Variants in PTCH1 observed in about 807,000 individuals in gnomAD.
PTCH1 encodes the protein patched 1.
In PTCH1, 14 loss-of-function variants were observed where a neutral mutation model predicts 144.6. The observed-to-expected ratio is 0.10, with a 90% CI of 0.06 to 0.15. The LOEUF (loss-of-function observed/expected upper bound fraction) is 0.15, where lower values mean the gene tolerates loss of function less well. Among genes scored for constraint, PTCH1 ranks in the 10% least tolerant of loss-of-function variants. PTCH1 has a pLI of 1.00. For missense variants in PTCH1, 1,623 were observed against 1,948.3 expected, an observed-to-expected ratio of 0.83 and a Z score of 3.14; for synonymous variants, 833 against 793.6, an observed-to-expected ratio of 1.05 and a Z score of -0.83.
upstream of PTCH1, among the ~76,000 whole-genome samples, chr9:95,512,691 A>G (rs796500496): frequency 2.0e-5 from 3 of 152,178 alleles, no homozygotes; most frequent in South Asian, 6.2e-4. Flanking sequence ...GGGTTTGTTA[A>G]CTTCAACTAA....
At chr9:95,515,343 A>T (rs973231294) in intron 1 of PTCH1, among the ~76,000 whole-genome samples, 6 of 152,068 alleles carry the variant, frequency 3.9e-5, no homozygotes, top group Admixed American at 3.9e-4. Flanking sequence ...GTTCTTTTGT[A>T]TTTCTCCTCC....
In PTCH1 at chr9:95,456,351, C is replaced by T. The variant is rs2136649043; in HGVS notation, c.3231G>A (p.Lys1077=). The change falls in exon 19 of 24, where the codon AAG becomes AAA. Residue 1077 remains lysine, a synonymous_variant. Coordinates refer to ENST00000331920, the MANE Select transcript of PTCH1 (RefSeq NM_000264.5). ...LFGMMGLIGI[K]LSAVPVVILI... ...GGATGACCACGGGCACGGCACTGAG[C>T]TTGATTCCGATGAGGCCCATCATGC... The T allele has an allele frequency of 6.2e-7, 1 of 1,614,138 alleles. No individual in the cohort carries two copies. The highest frequency in any genetic ancestry group is 1.3e-5 in the African/African-American group (1 of 75,058).
intron 12 of PTCH1, among the ~76,000 whole-genome samples, chr9:95,473,783 C>T (rs958485590): frequency 6.6e-6 from 1 of 151,854 alleles, no homozygotes; most frequent in Non-Finnish European, 1.5e-5. Flanking sequence ...ACCTCGTGAT[C>T]CACCCGTCTC....
At position 95,469,126 on chromosome 9, in the gene PTCH1, A is replaced by G. The variant is rs1840322080; in HGVS notation, c.1875T>C (p.Val625=). The G allele has an allele frequency of 6.2e-7, 1 of 1,613,910 alleles. No homozygotes were observed. The highest frequency in any genetic ancestry group is 1.7e-5 in the Admixed American group (1 of 59,998). The change falls in exon 14 of 24, where the codon GTT becomes GTC. Residue 625 remains valine (V), a synonymous_variant. Coordinates refer to ENST00000331920, the MANE Select transcript of PTCH1 (RefSeq NM_000264.5). ...TSPCVSRVIQ[V]EPQAYTDTHD... is the part of the protein sequence containing the mutation. ...GTGTGTCGGTGTAGGCCTGAGGTTC[A>G]ACCTGAATCACTCTGCTGACGCAGG...
At chr9:95,504,022 CAAAAAAAAAAAAAAAAAAAAAAAAAAA>C (rs58747037) in intron 2 of PTCH1, among the ~76,000 whole-genome samples, 1 of 6,720 alleles carries the variant, frequency 1.5e-4, no homozygotes, top group South Asian at 7.2e-3. Flanking sequence ...GACTCCGTCT[CAAAAAAAAAAAAAAAAAAAAAAAAAAA>C]AAAAAAAAAA....
chr9:95,476,883 C>G lies in PTCH1; in HGVS notation c.1504-26G>C, dbSNP rs762444055. 6.2e-7 allele frequency: 1 copy of G among 1,600,600 alleles called. No individual in the cohort carries two copies. Among genetic ancestry groups the G allele is most frequent in the African/African-American group, 1.3e-5 (1 of 74,534 alleles). On this transcript the variant is annotated intron_variant, in intron 10 of 23. Transcript: ENST00000331920. This position sits in a 1 kb window ranked among gnomAD's most constrained non-coding sequence, Gnocchi z 4.6. ...CTACAGCAAAAACAGAGGATGGTGG[C>G]ATTAGACATGCGAGATGCAATTCAG...
intron 18 of PTCH1, 104 bp downstream of exon 18, chr9:95,457,909 A>G: frequency 6.9e-7 from 1 of 1,451,946 alleles, no homozygotes; most frequent in South Asian, 1.2e-5. Context: ...GATGCAAGCT[A>G]TACCCTCCTC....
At chr9:95,511,254 C>T (rs1844145543), upstream of PTCH1, among the ~76,000 whole-genome samples, 1 of 151,738 alleles carries the variant, frequency 6.6e-6, no homozygotes, top group African/African-American at 2.4e-5. Flanking sequence ...CGGCGGTTTC[C>T]CCTCCCCGCT....
intron 22 of PTCH1, among the ~76,000 whole-genome samples, chr9:95,448,348 C>G (rs1442060000): frequency 6.6e-6 from 1 of 152,184 alleles, no homozygotes; most frequent in Non-Finnish European, 1.5e-5. Context: ...CAGCAGGGGG[C>G]CCTCAGTGGA....
chr9:95,461,711 A>T (rs917181595), intron 16 of PTCH1, 145 bp downstream of exon 16: 3 of 1,148,730 alleles, frequency 2.6e-6, no homozygotes, highest in Non-Finnish European at 1.2e-6. Context: ...GGTGAATTAG[A>T]GTCACCCAAT....
Position 95,453,107 on chromosome 9 carries a change from A to G in PTCH1, c.3449+371T>C, listed in dbSNP as rs992013582. 11 of 344,696 alleles carry G rather than the reference A, an allele frequency of 3.2e-5. No individual in the cohort carries two copies. In the East Asian group the frequency reaches 8.2e-4, roughly 26 times the overall value. The allele number at this position is 344,696 out of a possible 1,614,324, so 21.4% of individuals were successfully genotyped here. ...CAATCTACCAGATACAGAAGGAAAT[A>G]AGCAACGAAGATCACCTGAGCTAAT... is the stretch of plus-strand genomic sequence containing the variant. On this transcript the variant is annotated intron_variant, in intron 20 of 23. Coordinates refer to ENST00000331920, the MANE Select transcript of PTCH1 (RefSeq NM_000264.5).
At chr9:95,506,781 C>T (rs1480845100) in intron 1 of PTCH1, 182 bp from the exon 2 acceptor site, 3 of 1,076,592 alleles carry the variant, frequency 2.8e-6, no homozygotes, top group Non-Finnish European at 2.4e-6. Context: ...GGGGCTCGGT[C>T]ATAAAGCCGG....
At chr9:95,505,395 C>T (rs1449385601) in intron 2 of PTCH1, among the ~76,000 whole-genome samples, 1 of 152,042 alleles carries the variant, frequency 6.6e-6, no homozygotes, top group African/African-American at 2.4e-5. Context: ...AAAGTGTTTC[C>T]AAATAGCAGG....
chr9:95,512,313 T>C (rs539127652), upstream of PTCH1, among the ~76,000 whole-genome samples: 1 of 152,308 alleles, frequency 6.6e-6, no homozygotes, highest in East Asian at 1.9e-4. Flanking sequence ...GCCTGTAAAT[T>C]CTACCCGTGG....
chr9:95,465,146 T>C (rs1839888118), intron 15 of PTCH1, among the ~76,000 whole-genome samples: 1 of 152,072 alleles, frequency 6.6e-6, no homozygotes, highest in Admixed American at 6.5e-5. Context: ...ATAGAGATGA[T>C]CTACAATGCT....
chr9:95,476,101 C>T lies in PTCH1; in HGVS notation c.1661G>A (p.Ser554Asn), dbSNP rs148367880. The T allele has an allele frequency of 3.6e-5, 58 of 1,613,888 alleles. No individual in the cohort carries two copies. The Admixed American group carries it at 7.7e-4, about 21-fold the overall frequency. The change falls in exon 12 of 24, where the codon AGC (serine) becomes AAC (asparagine). Residue 554 changes from serine to asparagine, a missense_variant. This residue lies in a region of PTCH1 where 135 missense variants were observed against 228.7 expected (regional missense o/e 0.59). Coordinates refer to ENST00000331920, the MANE Select transcript of PTCH1 (RefSeq NM_000264.5). The surrounding 1 kb of genome is among the most constrained non-coding windows in gnomAD (Gnocchi z 4.6). ...TGASVALTSI[S>N]NVTAFFMAAL... The stretch of plus-strand genomic sequence containing the variant: ...GGCCATGAAGAAGGCTGTGACATTG[C>T]TGATGGACGTGAGGGCCACGCTGGC...
chr9:95,449,141 C>T lies in PTCH1; in HGVS notation c.3732G>A (p.Gln1244=), dbSNP rs2136598143. The T allele has an allele frequency of 6.2e-7, 1 of 1,614,068 alleles. No individual in the cohort carries two copies. Among genetic ancestry groups the T allele is most frequent in the Non-Finnish European group, 8.5e-7 (1 of 1,179,990 alleles). Residue 1244 remains glutamine (Q), a synonymous_variant, in exon 22 of 24, where the codon CAG becomes CAA. Transcript: ENST00000331920. This position sits in a 1 kb window ranked among gnomAD's most constrained non-coding sequence, Gnocchi z 5.3. ...LSEELRHYEA[Q]QGAGGPAHQV... is the part of the protein sequence containing the mutation. Reference sequence around the variant, plus strand: ...GGTGGGCAGGGCCTCCCGCGCCCTGCTGGGCCTCGTAGTGCCGAAGCTCCT... The same window carrying T: ...GGTGGGCAGGGCCTCCCGCGCCCTGTTGGGCCTCGTAGTGCCGAAGCTCCT...
chr9:95,473,729 A>G (rs1375107819), intron 12 of PTCH1, among the ~76,000 whole-genome samples: 5 of 151,184 alleles, frequency 3.3e-5, no homozygotes, highest in Non-Finnish European at 5.9e-5. Flanking sequence ...TTTTTAGTAG[A>G]GACGGGGTTT....
Position 95,449,380 on chromosome 9 carries a change from C to T in PTCH1, c.3550-57G>A. The T allele has an allele frequency of 6.5e-7, 1 of 1,535,276 alleles. No homozygotes were observed. The highest frequency in any genetic ancestry group is 1.2e-5 in the South Asian group (1 of 84,002). On this transcript the variant is annotated intron_variant, in intron 21 of 23. Coordinates refer to ENST00000331920, the MANE Select transcript of PTCH1 (RefSeq NM_000264.5). The surrounding 1 kb of genome is among the most constrained non-coding windows in gnomAD (Gnocchi z 5.3). ...CTTGTCCATTTACCTGCTGGCCACA[C>T]TCAAAGCTCAAAGCACGGTATTTTT...
Sources: allele counts gnomAD v4.1 joint callset (sites outside exome capture counted in the v4.1 genomes callset), GRCh38; gene constraint gnomAD v4.1.1; regional missense constraint gnomAD v4.1.1; non-coding constraint Gnocchi (gnomAD v3.1); transcripts MANE v1.5; gene names NCBI Gene and HGNC (gene_info 2026-07-23, HGNC 2026-07-21).